UBE4A: variants seen among roughly 807,000 people sequenced by gnomAD.
UBE4A encodes the protein ubiquitination factor E4A, also known as ubiquitin conjugation factor E4 A.
A neutral mutation model predicts 117.9 loss-of-function variants in UBE4A; 48 were observed. The observed-to-expected ratio is 0.41, with a 90% CI of 0.32 to 0.52. The LOEUF is 0.52. UBE4A is among the 20% of genes least tolerant of loss of function. UBE4A has a pLI of 0.33. For synonymous variants in UBE4A, 407 were observed against 450.0 expected, an observed-to-expected ratio of 0.90 and a Z score of 1.21; for missense variants, 1,067 against 1,296.3, an observed-to-expected ratio of 0.82 and a Z score of 2.72.
chr11:118,396,460 C>A lies in UBE4A; in HGVS notation c.*20C>A. The A allele has an allele frequency of 6.2e-7, 1 of 1,608,228 alleles. No homozygotes were observed. On this transcript the variant is annotated 3_prime_UTR_variant, in exon 20 of 20. Coordinates refer to ENST00000252108, the MANE Select transcript of UBE4A (RefSeq NM_001204077.2). ...GAATAGATACTGTGAACTAACCAAA[C>A]CAAAACCAACCCCAGAGTGCAGATA...
rs782166711 is a variant in UBE4A at position 118,392,910 on chromosome 11, A to G, written c.3074+15A>G. Reference sequence around the variant, plus strand: ...CATTTGCTCAGGTAGGCCAGTCCCAAAAACAGACTCAAGAGCATATATATA... The same window carrying G: ...CATTTGCTCAGGTAGGCCAGTCCCAGAAACAGACTCAAGAGCATATATATA... On this transcript the variant is annotated intron_variant, in intron 19 of 19. Coordinates refer to ENST00000252108, the MANE Select transcript of UBE4A (RefSeq NM_001204077.2). 1 of 1,611,910 alleles carries G rather than the reference A, an allele frequency of 6.2e-7. No individual in the cohort carries two copies. Among genetic ancestry groups the G allele is most frequent in the Non-Finnish European group, 8.5e-7 (1 of 1,179,274 alleles).
At chr11:118,369,595 C>A in intron 4 of UBE4A, 60 bp downstream of exon 4, 1 of 1,187,120 alleles carries the variant, frequency 8.4e-7, no homozygotes, top group Non-Finnish European at 1.2e-6. Flanking sequence ...CGGCTGAATT[C>A]TGCTCACTGT....
At chr11:118,374,429 C>T (rs970241415) in intron 8 of UBE4A, among the ~76,000 whole-genome samples, 2 of 152,206 alleles carry the variant, frequency 1.3e-5, no homozygotes, top group Non-Finnish European at 2.9e-5. Flanking sequence ...GTCCCCTAAT[C>T]ATTAATCATT....
chr11:118,362,152 C>T (rs1231262719), intron 1 of UBE4A, among the ~76,000 whole-genome samples: 2 of 152,132 alleles, frequency 1.3e-5, no homozygotes, highest in Non-Finnish European at 2.9e-5. Context: ...GAGACAGTTT[C>T]CCTCTGTTGC....
Position 118,390,640 on chromosome 11 carries a change from T to C in UBE4A, c.2769-17T>C, listed in dbSNP as rs1565539616. On this transcript the variant is annotated splice_polypyrimidine_tract_variant and intron_variant, in intron 17 of 19. Coordinates refer to ENST00000252108, the MANE Select transcript of UBE4A (RefSeq NM_001204077.2). ...AACCCTCTGGTGATCAGTTTTTTTC[T>C]GATGCTAATGTTCCAGGGATGAGGA... is the stretch of plus-strand genomic sequence containing the variant. The C allele has an allele frequency of 6.7e-7, 1 of 1,489,024 alleles. No homozygotes were observed. Among genetic ancestry groups the C allele is most frequent in the South Asian group, 1.4e-5 (1 of 71,638 alleles). The allele number at this position is 1,489,024 out of a possible 1,614,324, so 92.2% of individuals were successfully genotyped here. A position where few individuals can be genotyped will look rare whatever the true frequency, so the allele number is the denominator to read the frequency against.
rs781997812 is a variant in UBE4A, at chr11:118,390,842, G to A, written c.2916+38G>A. 4 of 1,600,842 alleles carry A rather than the reference G, an allele frequency of 2.5e-6. No individual in the cohort carries two copies. In the South Asian group the frequency reaches 4.4e-5, roughly 18 times the overall value. On this transcript the variant is annotated intron_variant, in intron 18 of 19. Transcript: ENST00000252108. The stretch of plus-strand genomic sequence containing the variant: ...AGGAATTGTTTGCTGATTTCATTAA[G>A]AACCACGTTGTCAGCCAGGCATGAT...
At chr11:118,374,865 C>T (rs1555125095) in intron 8 of UBE4A, 31 bp from the exon 9 acceptor site, 6 of 1,467,482 alleles carry the variant, frequency 4.1e-6, no homozygotes, top group Non-Finnish European at 5.4e-6. Flanking sequence ...GATTGTGAAA[C>T]GTTCTGTGGT....
rs142351679 is a variant in UBE4A, at chr11:118,379,479, T to C, written c.1605T>C (p.Asn535=). 5.3e-5 allele frequency: 85 copies of C among 1,613,886 alleles called. No homozygotes were observed. In the African/African-American group the frequency reaches 1.1e-3, roughly 20 times the overall value. ...LHDQMVKINQ[N]LHRLQVAWRD... is the part of the protein sequence containing the mutation. ...ATCAGATGGTAAAAATCAACCAAAA[T>C]CTGCATCGGCTGCAGGTTGCCTGGC... The change falls in exon 11 of 20, where the codon AAT becomes AAC. Residue 535 remains asparagine (N), a synonymous_variant. Coordinates refer to ENST00000252108, the MANE Select transcript of UBE4A (RefSeq NM_001204077.2).
intron 12 of UBE4A, 108 bp from the exon 13 acceptor site, chr11:118,382,481 T>G (rs1326298315): frequency 1.1e-6 from 1 of 903,908 alleles, no homozygotes; most frequent in African/African-American, 1.9e-5. Context: ...ATCCTTTTTT[T>G]TCCTGTAATA....
intron 10 of UBE4A, among the ~76,000 whole-genome samples, chr11:118,377,912 CA>C (rs56669473): frequency 0.019 from 2,265 of 117,222 alleles, 25 homozygotes; most frequent in African/African-American, 0.054. Context: ...AACCCTGTCT[CA>C]AAAAAAAAAA....
intron 2 of UBE4A, among the ~76,000 whole-genome samples, chr11:118,368,076 G>A (rs1287958889): frequency 1.3e-5 from 2 of 152,108 alleles, no homozygotes; most frequent in African/African-American, 2.4e-5. Flanking sequence ...AGGTGTTGGT[G>A]CTGATTAAAA....
At chr11:118,367,225 C>A (rs1278305810) in intron 2 of UBE4A, among the ~76,000 whole-genome samples, 3 of 144,062 alleles carry the variant, frequency 2.1e-5, no homozygotes, top group Non-Finnish European at 3.0e-5. Flanking sequence ...AGGATGGGAG[C>A]AGATTTTGAG....
intron 18 of UBE4A, among the ~76,000 whole-genome samples, 185 bp from the exon 19 acceptor site, chr11:118,392,553 A>G (rs1948829179): frequency 6.6e-6 from 1 of 152,202 alleles, no homozygotes. Flanking sequence ...CTCAATGCTT[A>G]ATTTGTTCTT....
chr11:118,389,753 C>G lies in UBE4A; in HGVS notation c.2616C>G (p.Phe872Leu). Residue 872 changes from phenylalanine to leucine, a missense_variant, in exon 17 of 20, where the codon TTC becomes TTG. Phe to Leu is a conservative substitution (Grantham distance 22, BLOSUM62 0). This residue lies in a region of UBE4A where 1,001 missense variants were observed against 1,184.0 expected (regional missense o/e 0.85). Coordinates refer to ENST00000252108, the MANE Select transcript of UBE4A (RefSeq NM_001204077.2). ...TCAAGTCACTCTTTGTGCATCCCTT[C>G]CTGGCTGAGCGCATCATCTCCATGT... is the stretch of plus-strand genomic sequence containing the variant. ...SEIKSLFVHP[F>L]LAERIISMLN... 1 of 1,612,588 alleles carries G rather than the reference C, an allele frequency of 6.2e-7. No individual in the cohort carries two copies. Among genetic ancestry groups the G allele is most frequent in the Non-Finnish European group, 8.5e-7 (1 of 1,178,694 alleles).
intron 15 of UBE4A, 21 bp from the exon 16 acceptor site, chr11:118,386,417 T>A (rs375477131): frequency 6.3e-7 from 1 of 1,595,542 alleles, no homozygotes; most frequent in African/African-American, 1.4e-5. Flanking sequence ...CTCTGATATA[T>A]CCCATCTCTG....
At chr11:118,392,015 G>T (rs1325841608) in intron 18 of UBE4A, among the ~76,000 whole-genome samples, 9 of 151,910 alleles carry the variant, frequency 5.9e-5, no homozygotes, top group Non-Finnish European at 1.3e-4. Flanking sequence ...TTGGTAGTTG[G>T]CTTTTATTGG....
At chr11:118,381,795 C>G (rs1446015046) in intron 12 of UBE4A, among the ~76,000 whole-genome samples, 5 of 152,198 alleles carry the variant, frequency 3.3e-5, no homozygotes, top group Non-Finnish European at 7.4e-5. Flanking sequence ...AGTAGTTAAC[C>G]TAATGCCAGA....
Position 118,372,505 on chromosome 11 carries a change from A to G in UBE4A, c.562-2A>G. ...TCCCTCTTTTCTTCATGCTGTTTGCAGATTACCAAAGTTCCAGAGAACCTG... is the reference window on the plus strand; with the variant it reads ...TCCCTCTTTTCTTCATGCTGTTTGCGGATTACCAAAGTTCCAGAGAACCTG... On this transcript the variant is annotated splice_acceptor_variant, in intron 5 of 19. Coordinates refer to ENST00000252108, the MANE Select transcript of UBE4A (RefSeq NM_001204077.2). LOFTEE classifies it high-confidence loss of function. 6.3e-7 allele frequency: 1 copy of G among 1,599,732 alleles called. No individual in the cohort carries two copies.
At chr11:118,383,170 A>G (rs1222009270) in intron 13 of UBE4A, among the ~76,000 whole-genome samples, 7 of 152,134 alleles carry the variant, frequency 4.6e-5, no homozygotes, top group African/African-American at 1.7e-4. Flanking sequence ...AAATTAGACT[A>G]TTTGGGTCTT....
Sources: allele counts gnomAD v4.1 joint callset (sites outside exome capture counted in the v4.1 genomes callset), GRCh38; gene constraint gnomAD v4.1.1; regional missense constraint gnomAD v4.1.1; transcripts MANE v1.5; gene names NCBI Gene and HGNC (gene_info 2026-07-23, HGNC 2026-07-21).